The following STK39 variants were observed in gnomAD, a reference collection of about 807,000 sequenced individuals.
STK39 encodes the protein STE20/SPS1-related proline-alanine-rich protein kinase.
Under a neutral mutation model 77.8 loss-of-function variants are expected in STK39, and 20 were observed. The observed-to-expected ratio is 0.26, with a 90% CI of 0.18 to 0.37. The LOEUF is 0.37. Ranked by LOEUF, STK39 falls within the 10% of genes least tolerant of loss-of-function variation. STK39 has a pLI of 1.00. For synonymous variants in STK39, 246 were observed against 234.1 expected (o/e 1.05, Z -0.47); for missense variants, 479 against 656.5 (o/e 0.73, Z 2.95).
intron 2 of STK39, among the ~76,000 whole-genome samples, chr2:168,176,506 C>T (rs1688959905): frequency 6.6e-6 from 1 of 152,130 alleles, no homozygotes; most frequent in South Asian, 2.1e-4. Flanking sequence ...TCATAGCTAA[C>T]TCATTTTTCT....
chr2:168,078,630 T>C (rs1036200668), intron 10 of STK39, among the ~76,000 whole-genome samples: 2 of 151,800 alleles, frequency 1.3e-5, no homozygotes, highest in African/African-American at 4.8e-5. Context: ...GTGTCAGAAA[T>C]GCAGGTGTGT....
At chr2:168,005,843 T>A (rs1684120225) in intron 16 of STK39, among the ~76,000 whole-genome samples, 1 of 152,130 alleles carries the variant, frequency 6.6e-6, no homozygotes, top group African/African-American at 2.4e-5. Flanking sequence ...GCAGACAGGT[T>A]TTAAACATGA....
chr2:167,982,011 T>C (rs547713399), intron 16 of STK39, among the ~76,000 whole-genome samples: 2 of 152,282 alleles, frequency 1.3e-5, no homozygotes, highest in East Asian at 1.9e-4. Flanking sequence ...TACTGGCTAG[T>C]AGAGCTGAGA....
chr2:168,126,512 T>C (rs1449753492), intron 10 of STK39, among the ~76,000 whole-genome samples: 1 of 152,160 alleles, frequency 6.6e-6, no homozygotes, highest in Non-Finnish European at 1.5e-5. Flanking sequence ...AAGTTTCCCA[T>C]AAGGATGATC....
chr2:168,060,743 TA>T (rs1003086643), intron 14 of STK39, among the ~76,000 whole-genome samples: 3 of 152,244 alleles, frequency 2.0e-5, no homozygotes, highest in African/African-American at 4.8e-5. Flanking sequence ...TAGATCCCTT[TA>T]TGATATCCTT....
chr2:168,165,939 C>T (rs1309071915), intron 3 of STK39, among the ~76,000 whole-genome samples: 1 of 152,124 alleles, frequency 6.6e-6, no homozygotes, highest in Non-Finnish European at 1.5e-5. Flanking sequence ...CAGAAAGATA[C>T]CCAGAGAATC....
intron 10 of STK39, among the ~76,000 whole-genome samples, chr2:168,104,580 G>A (rs1040405226): frequency 1.3e-5 from 2 of 152,118 alleles, no homozygotes; most frequent in Non-Finnish European, 2.9e-5. Flanking sequence ...GGTATAGAAT[G>A]GAATGGAACG....
chr2:168,060,667 T>C (rs1685642088), intron 14 of STK39, among the ~76,000 whole-genome samples: 1 of 152,248 alleles, frequency 6.6e-6, no homozygotes, highest in Non-Finnish European at 1.5e-5. Context: ...TGAAAGTGTT[T>C]CTATGTCATT....
intron 12 of STK39, among the ~76,000 whole-genome samples, chr2:168,066,246 T>A (rs1016825570): frequency 1.3e-5 from 2 of 152,238 alleles, no homozygotes; most frequent in Admixed American, 6.5e-5. Flanking sequence ...AGTGTATTGA[T>A]GTCTGCAATT....
intron 1 of STK39, among the ~76,000 whole-genome samples, chr2:168,231,036 T>A (rs890153390): frequency 1.3e-5 from 2 of 152,102 alleles, no homozygotes; most frequent in African/African-American, 4.8e-5. Context: ...AATCCCTACC[T>A]CTATGCCAAC....
chr2:167,995,952 G>C (rs1334945277), intron 16 of STK39, among the ~76,000 whole-genome samples: 1 of 152,134 alleles, frequency 6.6e-6, no homozygotes, highest in Non-Finnish European at 1.5e-5. Flanking sequence ...AGGGTGCTGG[G>C]CTTTAATGCT....
At chr2:168,017,018 A>C (rs1252538293) in intron 15 of STK39, 25 bp downstream of exon 15, 6 of 1,577,608 alleles carry the variant, frequency 3.8e-6, no homozygotes, top group Non-Finnish European at 5.2e-6. Flanking sequence ...GAGGCAATAA[A>C]ATAATAACTT....
intron 1 of STK39, among the ~76,000 whole-genome samples, chr2:168,224,789 A>G (rs1690264178): frequency 1.3e-5 from 2 of 152,210 alleles, no homozygotes; most frequent in South Asian, 4.1e-4. Flanking sequence ...ATGAAATCAG[A>G]CCATTTGGTC....
At chr2:168,036,184 G>A (rs558430822) in intron 14 of STK39, among the ~76,000 whole-genome samples, 8 of 151,772 alleles carry the variant, frequency 5.3e-5, no homozygotes, top group South Asian at 2.1e-4. Context: ...CAGCGTGGGC[G>A]CCAATACCAA....
At chr2:168,177,814 C>T (rs1688991180) in intron 2 of STK39, among the ~76,000 whole-genome samples, 1 of 152,070 alleles carries the variant, frequency 6.6e-6, no homozygotes, top group Admixed American at 6.6e-5. Context: ...ACCCATTGGG[C>T]AAATCTTAAA....
At chr2:168,099,447 T>C (rs1011338827) in intron 10 of STK39, among the ~76,000 whole-genome samples, 6 of 152,208 alleles carry the variant, frequency 3.9e-5, no homozygotes, top group Non-Finnish European at 8.8e-5. Context: ...GTCCTATGGC[T>C]TCATTCCCTA....
chr2:168,028,205 T>C (rs1166231495), intron 14 of STK39, among the ~76,000 whole-genome samples: 4 of 152,178 alleles, frequency 2.6e-5, no homozygotes, highest in Non-Finnish European at 5.9e-5. Flanking sequence ...TACAGGAATG[T>C]GCAAAGAGTA....
intron 2 of STK39, among the ~76,000 whole-genome samples, chr2:168,174,143 A>T (rs1688897233): frequency 6.6e-6 from 1 of 152,234 alleles, no homozygotes; most frequent in Non-Finnish European, 1.5e-5. Context: ...ATTTTTAAGA[A>T]ATCAGGAAAA....
intron 1 of STK39, among the ~76,000 whole-genome samples, chr2:168,188,287 G>C (rs1271226829): frequency 6.6e-6 from 1 of 152,170 alleles, no homozygotes; most frequent in Non-Finnish European, 1.5e-5. Flanking sequence ...ACACATGTGA[G>C]CTCTACAGGA....
Sources: allele counts gnomAD v4.1 joint callset (sites outside exome capture counted in the v4.1 genomes callset), GRCh38; gene constraint gnomAD v4.1.1; transcripts MANE v1.5; gene names NCBI Gene and HGNC (gene_info 2026-07-23, HGNC 2026-07-21).